The following COL4A1 variants were observed in gnomAD, a reference collection of about 807,000 sequenced individuals.
COL4A1 encodes collagen type IV alpha 1 chain.
COL4A1 carries 40 observed loss-of-function variants against 216.6 expected under a neutral mutation model. That is an observed-to-expected ratio of 0.18 (90% CI 0.14 to 0.24). COL4A1 has a LOEUF of 0.24. Among genes scored for constraint, COL4A1 ranks in the 10% least tolerant of loss-of-function variants. COL4A1 has a pLI of 1.00. For synonymous variants in COL4A1, 839 were observed against 810.7 expected (o/e 1.03, Z -0.59); for missense variants, 1,628 against 2,196.8 (o/e 0.74, Z 5.18).
chr13:110,276,836 G>A (rs1245619244), intron 1 of COL4A1, among the ~76,000 whole-genome samples: 1 of 152,208 alleles, frequency 6.6e-6, no homozygotes, highest in African/African-American at 2.4e-5. Context: ...AACAGAGATT[G>A]CAAACTGGTG....
chr13:110,270,046 G>A (rs536816664), intron 1 of COL4A1, among the ~76,000 whole-genome samples: 25 of 152,148 alleles, frequency 1.6e-4, no homozygotes, highest in South Asian at 4.1e-4. Context: ...CCTTCACCCC[G>A]CACTCCACTC....
At chr13:110,203,471 C>T (rs1202449281) in intron 18 of COL4A1, 95 bp downstream of exon 18, 1 of 1,394,838 alleles carries the variant, frequency 7.2e-7, no homozygotes, top group East Asian at 2.3e-5. Context: ...GACCCAGGGT[C>T]CTCTCCTTCC....
intron 1 of COL4A1, among the ~76,000 whole-genome samples, chr13:110,283,945 C>T (rs1442043954): frequency 1.3e-5 from 2 of 152,232 alleles, no homozygotes; most frequent in Non-Finnish European, 2.9e-5. Flanking sequence ...AGGAACAGCG[C>T]TGTATGACAG....
At chr13:110,172,102 G>T (rs1385680889) in intron 41 of COL4A1, among the ~76,000 whole-genome samples, 2 of 152,238 alleles carry the variant, frequency 1.3e-5, no homozygotes, top group Non-Finnish European at 1.5e-5. Flanking sequence ...GGATCACTCA[G>T]CCAGCCCAGC....
chr13:110,175,068 A>G, intron 37 of COL4A1, 150 bp downstream of exon 37: 2 of 960,932 alleles, frequency 2.1e-6, no homozygotes, highest in African/African-American at 1.6e-5. Context: ...TAGTGAATAC[A>G]AGGGGAAGGA....
intron 1 of COL4A1, among the ~76,000 whole-genome samples, chr13:110,289,229 G>A (rs1427870737): frequency 2.6e-5 from 4 of 152,126 alleles, no homozygotes; most frequent in Non-Finnish European, 5.9e-5. Context: ...GGTCTGAATG[G>A]CCCCGCACCT....
In COL4A1 at chr13:110,176,922, G is replaced by T. The variant is rs1319808951; in HGVS notation, c.2832C>A (p.Gly944=). The part of the protein sequence containing the change: ...KPGSMDKVDM[G]SMKGQKGDQG... ...GGTCTCCTTTCTGGCCCTTCATGCTGCCCATGTCCACCTTATCCATGGAGC... is the reference window on the plus strand; with the variant it reads ...GGTCTCCTTTCTGGCCCTTCATGCTTCCCATGTCCACCTTATCCATGGAGC... Residue 944 remains glycine (G), a synonymous_variant, in exon 34 of 52, where the codon GGC becomes GGA. Coordinates refer to ENST00000375820, the MANE Select transcript of COL4A1 (RefSeq NM_001845.6). 1.2e-6 allele frequency: 2 copies of T among 1,614,182 alleles called. No individual in the cohort carries two copies. The highest frequency in any genetic ancestry group is 1.6e-4 in the Middle Eastern group (1 of 6,062).
chr13:110,304,807 G>T (rs925193865), intron 1 of COL4A1, among the ~76,000 whole-genome samples: 5 of 152,228 alleles, frequency 3.3e-5, no homozygotes, highest in African/African-American at 4.8e-5. Context: ...GTGATGTCTG[G>T]ATGTACAAAT....
intron 2 of COL4A1, among the ~76,000 whole-genome samples, chr13:110,242,176 C>T (rs1881598226): frequency 6.6e-6 from 1 of 152,124 alleles, no homozygotes. Context: ...AGTTTGCTTG[C>T]AAAGAAATAC....
Position 110,152,289 on chromosome 13 carries a change from C to T in COL4A1, c.4928+45G>A, listed in dbSNP as rs747372937. 10 of 1,611,512 alleles carry T rather than the reference C, an allele frequency of 6.2e-6. No individual in the cohort carries two copies. The Admixed American group carries it at 1.0e-4, about 16-fold the overall frequency. ...ATCGCGGATGATTAAAAAATAAAGT[C>T]ACAAAGGGGCCAGCAGCCTGCAAAA... is the stretch of plus-strand genomic sequence containing the variant. On this transcript the variant is annotated intron_variant, in intron 51 of 51. Transcript: ENST00000375820.
intron 42 of COL4A1, among the ~76,000 whole-genome samples, 167 bp from the exon 43 acceptor site, chr13:110,169,929 G>GAGGGAGGGAGGAAGGGAGGAAGGGAGGA (rs150774157): frequency 7.1e-6 from 1 of 140,504 alleles, no homozygotes; most frequent in Non-Finnish European, 1.5e-5. Flanking sequence ...AGGAAGGAAG[G>GAGGGAGGGAGGAAGGGAGGAAGGGAGGA]AGGGAGGGAG....
chr13:110,228,000 C>T (rs1317528178), intron 2 of COL4A1, among the ~76,000 whole-genome samples: 1 of 152,162 alleles, frequency 6.6e-6, no homozygotes, highest in African/African-American at 2.4e-5. Flanking sequence ...CACACACAGT[C>T]CTCAGGTGCC....
At chr13:110,197,295 T>C (rs1357345808) in intron 21 of COL4A1, among the ~76,000 whole-genome samples, 19 of 149,294 alleles carry the variant, frequency 1.3e-4, no homozygotes, top group Non-Finnish European at 2.2e-4. Context: ...GAGAATTCCC[T>C]TGTCTTGGGT....
Position 110,247,451 on chromosome 13 carries a change from A to C in COL4A1, c.85-4717T>G, listed in dbSNP as rs538694091. ...TAAACTTTTCAGGATATGTTAAAAT[A>C]ATTAATACTGTGAAACTTTTCTTTC... On this transcript the variant is annotated intron_variant, in intron 1 of 51. Coordinates refer to ENST00000375820, the MANE Select transcript of COL4A1 (RefSeq NM_001845.6). Among the ~76,000 whole-genome samples the C allele has an allele frequency of 1.6e-4, 25 of 152,320 alleles. No homozygotes were observed. The South Asian group carries it at 5.2e-3, about 32-fold the overall frequency.
At chr13:110,212,048 G>T in intron 6 of COL4A1, 126 bp from the exon 7 acceptor site, 1 of 1,035,378 alleles carries the variant, frequency 9.7e-7, no homozygotes, top group Non-Finnish European at 1.5e-6. Context: ...AAAACAGTTT[G>T]TCACAAGCTG....
chr13:110,175,150 A>T lies in COL4A1; in HGVS notation c.3198+68T>A, dbSNP rs185066592. 1.8e-3 allele frequency: 2,799 copies of T among 1,586,020 alleles called. 9 individuals carry two copies. Among genetic ancestry groups the T allele is most frequent in the Non-Finnish European group, 2.0e-3 (2,318 of 1,155,402 alleles). On this transcript the variant is annotated intron_variant, in intron 37 of 51. Transcript: ENST00000375820. ...ATTGAGTGTGCTGAGATATTTGCTG[A>T]GCATTTCTCAGGCAGCATCTCCACT...
chr13:110,167,106 A>G lies in COL4A1; in HGVS notation c.3949+52T>C, dbSNP rs1010162292. 1.1e-4 allele frequency: 164 copies of G among 1,488,324 alleles called. 1 individual carries two copies. The Admixed American group carries it at 2.7e-3, about 25-fold the overall frequency. The allele number at this position is 1,488,324 out of a possible 1,614,324, so 92.2% of individuals were successfully genotyped here. A position where few individuals can be genotyped will look rare whatever the true frequency, so the allele number is the denominator to read the frequency against. On this transcript the variant is annotated intron_variant, in intron 44 of 51. Transcript: ENST00000375820. Reference sequence around the variant, plus strand: ...GGTGCCCGAGGTTAGCAAGCTCTTCACACAGCGTCTGCTGCTGCAAAGGCT... The same window carrying G: ...GGTGCCCGAGGTTAGCAAGCTCTTCGCACAGCGTCTGCTGCTGCAAAGGCT...
intron 48 of COL4A1, 112 bp downstream of exon 48, chr13:110,162,118 G>T: frequency 2.0e-6 from 2 of 1,013,126 alleles, no homozygotes; most frequent in Non-Finnish European, 3.1e-6. Flanking sequence ...ATGGCGCAGT[G>T]TTTCACTCGC....
At chr13:110,218,658 G>C (rs926346919) in intron 2 of COL4A1, among the ~76,000 whole-genome samples, 1 of 152,206 alleles carries the variant, frequency 6.6e-6, no homozygotes, top group East Asian at 1.9e-4. Context: ...GGTAGTGAAA[G>C]GTTACTGGGC....
Sources: allele counts gnomAD v4.1 joint callset (sites outside exome capture counted in the v4.1 genomes callset), GRCh38; gene constraint gnomAD v4.1.1; transcripts MANE v1.5; gene names NCBI Gene and HGNC (gene_info 2026-07-23, HGNC 2026-07-21).